The following CNTN4 variants were observed in gnomAD, a reference collection of about 807,000 sequenced individuals.
The protein encoded by CNTN4 is contactin-4.
Under a neutral mutation model 122.5 loss-of-function variants are expected in CNTN4, and 77 were observed. That is an observed-to-expected ratio of 0.63 (90% CI 0.52 to 0.76). CNTN4 has a LOEUF of 0.76. CNTN4 is among the 30% of genes least tolerant of loss of function. The pLI is 0.00. For synonymous variants in CNTN4, 512 were observed against 447.0 expected, an observed-to-expected ratio of 1.15 and a Z score of -1.83; for missense variants, 1,256 against 1,259.1, an observed-to-expected ratio of 1.00 and a Z score of 0.04.
intron 2 of CNTN4, among the ~76,000 whole-genome samples, chr3:2,248,681 G>A (rs940762870): frequency 5.9e-5 from 9 of 152,018 alleles, no homozygotes; most frequent in Admixed American, 1.3e-4. Context: ...ATATCTGGAA[G>A]TTTGGGTGAT....
At chr3:2,626,792 T>C (rs1290850490) in intron 4 of CNTN4, among the ~76,000 whole-genome samples, 1 of 152,204 alleles carries the variant, frequency 6.6e-6, no homozygotes, top group Non-Finnish European at 1.5e-5. Flanking sequence ...GAGTCTGTTT[T>C]CTTAGTCAAC....
chr3:2,611,169 C>T (rs1050943232), intron 4 of CNTN4, among the ~76,000 whole-genome samples: 20 of 151,816 alleles, frequency 1.3e-4, no homozygotes, highest in African/African-American at 4.6e-4. Context: ...AAGTGATGGA[C>T]TTCAAACTCT....
intron 3 of CNTN4, among the ~76,000 whole-genome samples, chr3:2,519,172 C>T (rs1029837665): frequency 3.3e-5 from 5 of 152,114 alleles, no homozygotes; most frequent in African/African-American, 4.8e-5. Context: ...GCTTGCCCTC[C>T]TTGTACCAAC....
chr3:2,513,032 A>G (rs1403467803), intron 3 of CNTN4, among the ~76,000 whole-genome samples: 1 of 152,176 alleles, frequency 6.6e-6, no homozygotes, highest in Non-Finnish European at 1.5e-5. Context: ...TGATCACAAA[A>G]CAGTACAGAA....
At chr3:2,222,616 A>G (rs887100705) in intron 2 of CNTN4, among the ~76,000 whole-genome samples, 7 of 152,116 alleles carry the variant, frequency 4.6e-5, no homozygotes, top group African/African-American at 1.7e-4. Flanking sequence ...TAATATCTCA[A>G]TAAAACTCTT....
chr3:2,336,509 A>G (rs1273562707), intron 2 of CNTN4, among the ~76,000 whole-genome samples: 1 of 152,134 alleles, frequency 6.6e-6, no homozygotes, highest in Non-Finnish European at 1.5e-5. Flanking sequence ...CCTCATTTCT[A>G]CAGGCACAAA....
At chr3:2,100,724 T>C (rs2031867979) in intron 2 of CNTN4, 85 bp downstream of exon 2, 1 of 152,230 alleles carries the variant, frequency 6.6e-6, no homozygotes, top group African/African-American at 2.4e-5. Flanking sequence ...GTAGGTAAGA[T>C]TGCTAAGGAT....
chr3:2,147,844 C>T (rs967083617), intron 2 of CNTN4, among the ~76,000 whole-genome samples: 7 of 152,174 alleles, frequency 4.6e-5, no homozygotes, highest in African/African-American at 1.4e-4. Context: ...TCACAATTTC[C>T]AGGCTCTGTG....
At chr3:2,134,328 A>G (rs2034585503) in intron 2 of CNTN4, among the ~76,000 whole-genome samples, 1 of 152,192 alleles carries the variant, frequency 6.6e-6, no homozygotes, top group South Asian at 2.1e-4. Flanking sequence ...CGAGTCTCCT[A>G]GGTGATTTGA....
intron 2 of CNTN4, among the ~76,000 whole-genome samples, chr3:2,142,666 C>T (rs893227426): frequency 6.6e-6 from 1 of 152,202 alleles, no homozygotes; most frequent in Admixed American, 6.5e-5. Flanking sequence ...TTTTCACTCC[C>T]TTTTTAATCT....
rs114461549 is a variant in CNTN4 at position 2,435,570 on chromosome 3, C to G, written c.-89+96337C>G. Among the ~76,000 whole-genome samples, 532 of 152,256 alleles carry G rather than the reference C, an allele frequency of 3.5e-3. 3 individuals carry two copies. The highest frequency in any genetic ancestry group is 0.01 in the Middle Eastern group (3 of 294). Reference sequence around the variant, plus strand: ...TAATAGTGACCCTGGCAGCCTGTTTCAGCAAGGCTTCTCAGTTGACCTGCA... The same window carrying G: ...TAATAGTGACCCTGGCAGCCTGTTTGAGCAAGGCTTCTCAGTTGACCTGCA... On this transcript the variant is annotated intron_variant, in intron 3 of 24. Transcript: ENST00000418658.
intron 3 of CNTN4, among the ~76,000 whole-genome samples, chr3:2,432,961 C>A (rs1297095132): frequency 1.3e-5 from 2 of 151,820 alleles, no homozygotes; most frequent in Non-Finnish European, 2.9e-5. Flanking sequence ...CACACCACCA[C>A]ACCCAGCTCA....
intron 3 of CNTN4, among the ~76,000 whole-genome samples, chr3:2,549,983 G>T (rs937440899): frequency 6.6e-6 from 1 of 152,068 alleles, no homozygotes; most frequent in African/African-American, 2.4e-5. Context: ...CAGTTTATTT[G>T]CGTAGAGGTG....
At chr3:2,872,372 T>C (rs1209015571) in intron 8 of CNTN4, among the ~76,000 whole-genome samples, 1 of 152,176 alleles carries the variant, frequency 6.6e-6, no homozygotes, top group Non-Finnish European at 1.5e-5. Flanking sequence ...CACAGGGAAA[T>C]CATTTAGCAT....
At chr3:2,468,637 C>T (rs1022845279) in intron 3 of CNTN4, among the ~76,000 whole-genome samples, 2 of 152,102 alleles carry the variant, frequency 1.3e-5, no homozygotes, top group Non-Finnish European at 2.9e-5. Context: ...TAATTGGAGG[C>T]CTGTAGATTA....
At chr3:2,591,576 G>T (rs1250180220) in intron 4 of CNTN4, among the ~76,000 whole-genome samples, 1 of 52,644 alleles carries the variant, frequency 1.9e-5, no homozygotes, top group Non-Finnish European at 4.8e-5. Flanking sequence ...GTTTTAGCCA[G>T]GATGGTCTCG....
chr3:2,939,740 G>C (rs757112614), intron 13 of CNTN4, among the ~76,000 whole-genome samples: 3 of 152,176 alleles, frequency 2.0e-5, no homozygotes, highest in Non-Finnish European at 2.9e-5. Context: ...TGTAATCTCT[G>C]GAAGTAGAGT....
chr3:2,132,246 T>C (rs927032544), intron 2 of CNTN4: 3 of 152,130 alleles, frequency 2.0e-5, no homozygotes, highest in South Asian at 2.1e-4. Flanking sequence ...GTAAATTACC[T>C]TGGACATCCC....
At chr3:2,763,094 A>G (rs1180703985) in intron 6 of CNTN4, among the ~76,000 whole-genome samples, 1 of 151,996 alleles carries the variant, frequency 6.6e-6, no homozygotes, top group African/African-American at 2.4e-5. Context: ...GGCACGTGCC[A>G]CCACGCCCAG....
Sources: allele counts gnomAD v4.1 joint callset (sites outside exome capture counted in the v4.1 genomes callset), GRCh38; gene constraint gnomAD v4.1.1; transcripts MANE v1.5; gene names NCBI Gene and HGNC (gene_info 2026-07-23, HGNC 2026-07-21).